Variants in SNX25 observed in about 807,000 individuals in gnomAD.
SNX25 encodes the protein sorting nexin 25.
In SNX25, 62 loss-of-function variants were observed where a neutral mutation model predicts 113.7. The observed-to-expected ratio is 0.55, with a 90% CI of 0.44 to 0.67. The LOEUF is 0.67. Among genes scored for constraint, SNX25 ranks in the 30% least tolerant of loss-of-function variants. The pLI, the probability that SNX25 is intolerant of heterozygous loss-of-function variation, is 0.00. For synonymous variants in SNX25, 421 were observed against 436.2 expected, an observed-to-expected ratio of 0.97 and a Z score of 0.43; for missense variants, 1,014 against 1,161.0, an observed-to-expected ratio of 0.87 and a Z score of 1.84.
chr4:185,249,154 T>C, intron 2 of SNX25, among the ~76,000 whole-genome samples: 1 of 152,206 alleles, frequency 6.6e-6, no homozygotes, highest in East Asian at 1.9e-4. Context: ...TTCTCTTGGA[T>C]AAATAGGAGT....
chr4:185,355,210 A>G (rs75464326), intron 15 of SNX25, among the ~76,000 whole-genome samples: 2 of 152,354 alleles, frequency 1.3e-5, no homozygotes, highest in Non-Finnish European at 1.5e-5. Flanking sequence ...GGATGCACTG[A>G]TGAGTGAATA....
chr4:185,369,404 C>T (rs923029762), intron 11 of SNX25, among the ~76,000 whole-genome samples: 10 of 151,466 alleles, frequency 6.6e-5, no homozygotes, highest in African/African-American at 2.2e-4. Context: ...TCAGTAGAGA[C>T]AGGATTATTT....
chr4:185,316,124 T>A (rs1421937127), intron 7 of SNX25, among the ~76,000 whole-genome samples: 1 of 152,248 alleles, frequency 6.6e-6, no homozygotes, highest in Non-Finnish European at 1.5e-5. Context: ...TGAGAATCAC[T>A]GCTAATCCTT....
upstream of SNX25, among the ~76,000 whole-genome samples, chr4:185,206,038 C>G (rs1372900508): frequency 6.6e-6 from 1 of 152,140 alleles, no homozygotes; most frequent in African/African-American, 2.4e-5. Context: ...GTGGAAAGAT[C>G]GAAACCCTTA....
chr4:185,322,243 C>T (rs989531888), intron 8 of SNX25, among the ~76,000 whole-genome samples: 2 of 152,062 alleles, frequency 1.3e-5, no homozygotes, highest in African/African-American at 4.8e-5. Flanking sequence ...CCAGCCTGGC[C>T]GACATGGTGA....
chr4:185,249,573 C>G (rs1422632062), intron 2 of SNX25, among the ~76,000 whole-genome samples: 1 of 152,116 alleles, frequency 6.6e-6, no homozygotes, highest in East Asian at 1.9e-4. Flanking sequence ...TTTCTTAATG[C>G]TATCTTTGAG....
At chr4:185,204,708 G>T (rs532896965), upstream of SNX25, among the ~76,000 whole-genome samples, 2 of 152,176 alleles carry the variant, frequency 1.3e-5, no homozygotes, top group Admixed American at 1.3e-4. Context: ...AATCACAAAG[G>T]TCCTTATAAG....
chr4:185,207,928 C>T (rs1470212675), upstream of SNX25: 2 of 152,142 alleles, frequency 1.3e-5, no homozygotes, highest in African/African-American at 4.8e-5. Flanking sequence ...ATTCAGAATA[C>T]AGTCCTCGGC....
upstream of SNX25, among the ~76,000 whole-genome samples, chr4:185,207,487 G>A (rs887765373): frequency 6.6e-6 from 1 of 152,072 alleles, no homozygotes; most frequent in East Asian, 1.9e-4. Flanking sequence ...CAAAGTGCTG[G>A]GATTACAAGC....
At chr4:185,220,103 T>C (rs550093385) in intron 1 of SNX25, among the ~76,000 whole-genome samples, 47 of 152,136 alleles carry the variant, frequency 3.1e-4, no homozygotes, top group Non-Finnish European at 6.2e-4. Flanking sequence ...CCTGTCTATA[T>C]TGAGGACTTA....
At chr4:185,249,687 T>A (rs1745372207) in intron 2 of SNX25, among the ~76,000 whole-genome samples, 1 of 151,868 alleles carries the variant, frequency 6.6e-6, no homozygotes, top group South Asian at 2.1e-4. Flanking sequence ...TCACCAATTT[T>A]TTTTCTGTCT....
intron 13 of SNX25, among the ~76,000 whole-genome samples, chr4:185,347,063 G>A (rs908713921): frequency 2.0e-5 from 3 of 152,164 alleles, no homozygotes; most frequent in Admixed American, 2.0e-4. Flanking sequence ...CACTCATTAT[G>A]TTCATAGGAC....
chr4:185,235,689 C>G (rs1246305388), intron 1 of SNX25, among the ~76,000 whole-genome samples: 1 of 152,066 alleles, frequency 6.6e-6, no homozygotes, highest in Non-Finnish European at 1.5e-5. Flanking sequence ...GACATGAGTT[C>G]AAGACCAGCC....
Position 185,234,681 on chromosome 4 carries a change from CAA to C in SNX25, c.430-12593_430-12592del, listed in dbSNP as rs369613640. On this transcript the variant is annotated intron_variant, in intron 1 of 18. Transcript: ENST00000652585. ...TGGGCGACAGAGCGAGACTCTGTCT[CAA>C]AAAAAAAAAAAAAAAAAAAGTTTAG... Among the ~76,000 whole-genome samples, 7 of 16,164 alleles carry C rather than the reference CAA, an allele frequency of 4.3e-4. 1 individual carries two copies. Among genetic ancestry groups the C allele is most frequent in the East Asian group, 2.4e-3 (1 of 420 alleles). The allele number at this position is 16,164 out of a possible 152,430, so 10.6% of individuals were successfully genotyped here.
rs1353710694 is a variant in SNX25 at position 185,351,447 on chromosome 4, T to C, written c.2304T>C (p.Asn768=). 3 of 1,613,198 alleles carry C rather than the reference T, an allele frequency of 1.9e-6. No individual in the cohort carries two copies. In the Admixed American group the frequency reaches 5.0e-5, roughly 27 times the overall value. ...SKNQLNKFLQ[N]LLSDERLCQS... ...AGTTAATCCTCTTTCTTCCATAGAATCTGCTTTCAGATGAAAGACTGTGTC... is the reference window on the plus strand; with the variant it reads ...AGTTAATCCTCTTTCTTCCATAGAACCTGCTTTCAGATGAAAGACTGTGTC... The change falls in exon 14 of 19, where the codon AAT becomes AAC. Residue 768 remains asparagine (N), a splice_region_variant and synonymous_variant. Coordinates refer to ENST00000652585, the MANE Select transcript of SNX25 (RefSeq NM_001378034.2).
intron 2 of SNX25, among the ~76,000 whole-genome samples, chr4:185,251,288 C>T (rs1209083173): frequency 6.6e-6 from 1 of 152,198 alleles, no homozygotes. Flanking sequence ...AGCCCCCGCA[C>T]CCGGCCTTAG....
At chr4:185,299,071 T>A (rs944243791) in intron 6 of SNX25, among the ~76,000 whole-genome samples, 1 of 152,206 alleles carries the variant, frequency 6.6e-6, no homozygotes, top group African/African-American at 2.4e-5. Flanking sequence ...GATTTAGCAG[T>A]GGCACAGATG....
At chr4:185,368,734 G>C (rs2095401840), downstream of SNX25, among the ~76,000 whole-genome samples, 1 of 151,936 alleles carries the variant, frequency 6.6e-6, no homozygotes, top group Admixed American at 6.6e-5. Flanking sequence ...CCTAGTTGCA[G>C]AGTAATGGGG....
chr4:185,348,403 T>TA (rs1290903065), intron 13 of SNX25, among the ~76,000 whole-genome samples: 2 of 152,072 alleles, frequency 1.3e-5, no homozygotes, highest in Non-Finnish European at 2.9e-5. Flanking sequence ...TTCTTTATTT[T>TA]TTTTTTTGAG....
Sources: allele counts gnomAD v4.1 joint callset (sites outside exome capture counted in the v4.1 genomes callset), GRCh38; gene constraint gnomAD v4.1.1; transcripts MANE v1.5; gene names NCBI Gene and HGNC (gene_info 2026-07-23, HGNC 2026-07-21).